The following RIMBP2 variants were observed in gnomAD, a reference collection of about 807,000 sequenced individuals.
RIMBP2 encodes RIMS binding protein 2.
RIMBP2 carries 48 observed loss-of-function variants against 118.6 expected under a neutral mutation model. The observed-to-expected ratio is 0.40, with a 90% CI of 0.32 to 0.51. The LOEUF (loss-of-function observed/expected upper bound fraction) is 0.51. Ranked by LOEUF, RIMBP2 falls within the 20% of genes least tolerant of loss-of-function variation. RIMBP2 has a pLI of 0.41. For missense variants in RIMBP2, 1,551 were observed against 1,768.3 expected (o/e 0.88, Z 2.20); for synonymous variants, 762 against 742.9 (o/e 1.03, Z -0.42).
chr12:130,501,959 G>A (rs2049830004), intron 4 of RIMBP2, among the ~76,000 whole-genome samples: 1 of 152,222 alleles, frequency 6.6e-6, no homozygotes, highest in Admixed American at 6.5e-5. Context: ...CTCAAACCAG[G>A]CAGACTCTGA....
intron 20 of RIMBP2, among the ~76,000 whole-genome samples, chr12:130,407,287 A>C (rs1457198119): frequency 6.6e-6 from 1 of 152,182 alleles, no homozygotes; most frequent in Non-Finnish European, 1.5e-5. Flanking sequence ...TCAAGACACC[A>C]GGCATCCCAA....
chr12:130,581,000 C>A (rs887124877), intron 2 of RIMBP2, among the ~76,000 whole-genome samples: 1 of 151,908 alleles, frequency 6.6e-6, no homozygotes, highest in African/African-American at 2.4e-5. Flanking sequence ...AAAATATCTC[C>A]TATCTTGGCT....
rs181143863 is a variant in RIMBP2, at chr12:130,523,209, G to T, written c.-216-5292C>A. Among the ~76,000 whole-genome samples, 2 of 152,090 alleles carry T rather than the reference G, an allele frequency of 1.3e-5. No individual in the cohort carries two copies. The highest frequency in any genetic ancestry group is 1.9e-4 in the East Asian group (1 of 5,168). Reference sequence around the variant, plus strand: ...TGTCTCTATTTCTCTGTGTTGGGGGGGGTTTCTCTGCCTCCATCTCTCTCT... The same window carrying T: ...TGTCTCTATTTCTCTGTGTTGGGGGTGGTTTCTCTGCCTCCATCTCTCTCT... On this transcript the variant is annotated intron_variant, in intron 2 of 22. Transcript: ENST00000690449. The surrounding 1 kb of genome is among the most constrained non-coding windows in gnomAD (Gnocchi z 4.4).
chr12:130,462,771 T>A (rs1229947507), intron 6 of RIMBP2, among the ~76,000 whole-genome samples: 1 of 152,202 alleles, frequency 6.6e-6, no homozygotes, highest in African/African-American at 2.4e-5. Flanking sequence ...CACGTGGAGC[T>A]CACAGACCAG....
chr12:130,638,413 G>C (rs1048964116), intron 1 of RIMBP2, among the ~76,000 whole-genome samples: 2 of 152,200 alleles, frequency 1.3e-5, no homozygotes. Context: ...AACTCTATCG[G>C]GGTCCCGAAG....
rs1593247214 is a variant in RIMBP2, at chr12:130,424,834, C to T, written c.2437G>A (p.Glu813Lys). ...LKDCTDHRTS[E>K]GTFWEQPEFP... ...TCGGGCTGCTCCCAGAAAGTGCCTT[C>T]CGAGGTCCTATGGTCAGTGCAGTCC... is the stretch of plus-strand genomic sequence containing the variant. Residue 813 changes from glutamate (E) to lysine (K), a missense_variant, in exon 16 of 23, where the codon GAA becomes AAA. Glu to Lys is a moderately conservative substitution (Grantham distance 56). Coordinates refer to ENST00000690449, the MANE Select transcript of RIMBP2 (RefSeq NM_001393629.1). This position sits in a 1 kb window ranked among gnomAD's most constrained non-coding sequence, Gnocchi z 9.8. 5 of 1,232,636 alleles carry T rather than the reference C, an allele frequency of 4.1e-6. No individual in the cohort carries two copies. The highest frequency in any genetic ancestry group is 5.1e-6 in the Non-Finnish European group (5 of 988,384). The allele number at this position is 1,232,636 out of a possible 1,614,324, so 76.4% of individuals were successfully genotyped here.
Position 130,424,863 on chromosome 12 carries a change from C to G in RIMBP2, c.2413-5G>C. ...GGTCCTATGGTCAGTGCAGTCCTTA[C>G]GGGGTGGTGTGTCAAGAACAGGCGC... On this transcript the variant is annotated splice_region_variant and splice_polypyrimidine_tract_variant and intron_variant, in intron 15 of 22. Transcript: ENST00000690449. The surrounding 1 kb of genome is among the most constrained non-coding windows in gnomAD (Gnocchi z 9.8). 1 of 1,231,320 alleles carries G rather than the reference C, an allele frequency of 8.1e-7. No individual in the cohort carries two copies. The highest frequency in any genetic ancestry group is 1.0e-6 in the Non-Finnish European group (1 of 987,258). The allele number at this position is 1,231,320 out of a possible 1,614,324, so 76.3% of individuals were successfully genotyped here.
chr12:130,535,941 G>A lies in RIMBP2; in HGVS notation c.-216-18024C>T, dbSNP rs1050113983. 7.3e-5 allele frequency among the ~76,000 whole-genome samples: 11 copies of A among 151,552 alleles called. No homozygotes were observed. In the South Asian group the frequency reaches 1.5e-3, roughly 20 times the overall value. On this transcript the variant is annotated intron_variant, in intron 2 of 22. Coordinates refer to ENST00000690449, the MANE Select transcript of RIMBP2 (RefSeq NM_001393629.1). ...ACTACAGGTATGCACCACCATATCC[G>A]CTGATTTTTTGTTGTTGTTGTATTT... is the stretch of plus-strand genomic sequence containing the variant.
At chr12:130,550,558 T>C (rs992251137) in intron 2 of RIMBP2, among the ~76,000 whole-genome samples, 1 of 152,194 alleles carries the variant, frequency 6.6e-6, no homozygotes. Context: ...GTCAGCTGGG[T>C]AAAGAGTATA....
intron 4 of RIMBP2, among the ~76,000 whole-genome samples, chr12:130,484,436 C>T (rs2082311966): frequency 6.6e-5 from 10 of 152,242 alleles, no homozygotes. Context: ...GGCCGCCCGG[C>T]CCCTCCTGGA....
At chr12:130,689,182 C>T (rs1394770500) in intron 1 of RIMBP2, among the ~76,000 whole-genome samples, 2 of 152,220 alleles carry the variant, frequency 1.3e-5, no homozygotes, top group Non-Finnish European at 2.9e-5. Flanking sequence ...GGCACAGTGG[C>T]TCACGCCTGT....
At chr12:130,473,729 C>T (rs1453542492) in intron 5 of RIMBP2, among the ~76,000 whole-genome samples, 2 of 152,138 alleles carry the variant, frequency 1.3e-5, no homozygotes, top group Non-Finnish European at 2.9e-5. Context: ...TTCTAATACT[C>T]CAGGAGCACA....
At position 130,469,367 on chromosome 12, in the gene RIMBP2, C is replaced by T. The variant is rs553971795; in HGVS notation, c.153+1326G>A. Among the ~76,000 whole-genome samples, 24 of 152,220 alleles carry T rather than the reference C, an allele frequency of 1.6e-4. No individual in the cohort carries two copies. The highest frequency in any genetic ancestry group is 7.7e-4 in the East Asian group (4 of 5,166). ...TCATGGTGGAGCAGTCCCTCAGAGG[C>T]GGATTGAAGCCACACAGGGTCATGT... is the stretch of plus-strand genomic sequence containing the variant. On this transcript the variant is annotated intron_variant, in intron 6 of 22. Coordinates refer to ENST00000690449, the MANE Select transcript of RIMBP2 (RefSeq NM_001393629.1). The surrounding 1 kb of genome is among the most constrained non-coding windows in gnomAD (Gnocchi z 4.8).
At position 130,434,977 on chromosome 12, in the gene RIMBP2, T is replaced by C. The variant is rs1593281207; in HGVS notation, c.2107-97A>G. 1 of 1,330,494 alleles carries C rather than the reference T, an allele frequency of 7.5e-7. No individual in the cohort carries two copies. Among genetic ancestry groups the C allele is most frequent in the East Asian group, 2.5e-5 (1 of 40,616 alleles). 82.4% of individuals were successfully genotyped at this position (1,330,494 alleles called of 1,614,324 possible). ...ACCAAACCTTCAGCCCCTCAGAGCC[T>C]GGCCAGGCACCCCCCACACAGTGCT... On this transcript the variant is annotated intron_variant, in intron 13 of 22. Transcript: ENST00000690449. This position sits in a 1 kb window ranked among gnomAD's most constrained non-coding sequence, Gnocchi z 5.7.
chr12:130,523,635 G>A lies in RIMBP2; in HGVS notation c.-216-5718C>T, dbSNP rs569532226. Among the ~76,000 whole-genome samples the A allele has an allele frequency of 1.3e-5, 2 of 152,290 alleles. No homozygotes were observed. Among genetic ancestry groups the A allele is most frequent in the Admixed American group, 6.5e-5 (1 of 15,292 alleles). ...ACTGACAAGAGAAAGGAAAAAGCACGTTCTTTCAATAAACTTGTCAATTTT... is the reference window on the plus strand; with the variant it reads ...ACTGACAAGAGAAAGGAAAAAGCACATTCTTTCAATAAACTTGTCAATTTT... On this transcript the variant is annotated intron_variant, in intron 2 of 22. Coordinates refer to ENST00000690449, the MANE Select transcript of RIMBP2 (RefSeq NM_001393629.1). This position sits in a 1 kb window ranked among gnomAD's most constrained non-coding sequence, Gnocchi z 4.4.
At chr12:130,438,336 C>CCGGGGGGGG in intron 12 of RIMBP2, 29 bp downstream of exon 12, 1 of 844,140 alleles carries the variant, frequency 1.2e-6, no homozygotes, top group Non-Finnish European at 2.0e-6. Flanking sequence ...GCCTAACAAA[C>CCGGGGGGGG]CCTCCCCACC....
intron 1 of RIMBP2, among the ~76,000 whole-genome samples, chr12:130,685,944 A>C (rs542862086): frequency 6.6e-6 from 1 of 151,924 alleles, no homozygotes; most frequent in Admixed American, 6.6e-5. Flanking sequence ...GCCCGCCCCC[A>C]AAGCATGAGC....
At chr12:130,416,936 A>T (rs1267659758) in intron 17 of RIMBP2, among the ~76,000 whole-genome samples, 1 of 151,990 alleles carries the variant, frequency 6.6e-6, no homozygotes, top group Admixed American at 6.5e-5. Flanking sequence ...ATACAAGCAG[A>T]TAATAAAATA....
Position 130,578,436 on chromosome 12 carries a change from C to T in RIMBP2, c.-217+49886G>A, listed in dbSNP as rs568239351. ...CATCCAAGACCTTCTGCAGCTTTGC[C>T]CCTGCCTCACCTGTCCAACCTCGCC... is the stretch of plus-strand genomic sequence containing the variant. On this transcript the variant is annotated intron_variant, in intron 2 of 22. Coordinates refer to ENST00000690449, the MANE Select transcript of RIMBP2 (RefSeq NM_001393629.1). The surrounding 1 kb of genome is among the most constrained non-coding windows in gnomAD (Gnocchi z 4.1). Among the ~76,000 whole-genome samples, 1 of 152,322 alleles carries T rather than the reference C, an allele frequency of 6.6e-6. No homozygotes were observed. Among genetic ancestry groups the T allele is most frequent in the African/African-American group, 2.4e-5 (1 of 41,554 alleles).
Sources: gnomAD v4.1 joint callset for allele counts (sites outside exome capture counted in the v4.1 genomes callset) on GRCh38, gnomAD v4.1.1 for gene constraint, Gnocchi (gnomAD v3.1) non-coding constraint, MANE v1.5 for transcripts, NCBI Gene and HGNC (gene_info 2026-07-23, HGNC 2026-07-21) for gene names.